The following PRELID2 variants were observed in gnomAD, a reference collection of about 807,000 sequenced individuals.
PRELID2 encodes PRELI domain-containing protein 2.
In PRELID2, 25 loss-of-function variants were observed where a neutral mutation model predicts 28.4. That is an observed-to-expected ratio of 0.88 (90% confidence interval 0.64 to 1.23). The LOEUF (loss-of-function observed/expected upper bound fraction) is 1.23. PRELID2 is among the 50% of genes most tolerant of loss of function. The pLI is 0.00. For synonymous variants in PRELID2, 76 were observed against 71.6 expected (o/e 1.06, Z -0.31); for missense variants, 201 against 214.4 (o/e 0.94, Z 0.39).
intron 1 of PRELID2, among the ~76,000 whole-genome samples, chr5:145,737,642 AAAG>A (rs1255488672): frequency 1.3e-5 from 2 of 152,222 alleles, no homozygotes; most frequent in Non-Finnish European, 2.9e-5. Context: ...AAAGACCAGG[AAAG>A]AAGCAGTCTT....
At chr5:145,478,248 T>A (rs987771011) in intron 1 of PRELID2, among the ~76,000 whole-genome samples, 1 of 151,932 alleles carries the variant, frequency 6.6e-6, no homozygotes, top group African/African-American at 2.4e-5. Context: ...AAAGACTTAG[T>A]ATGAAAAAAA....
intron 1 of PRELID2, among the ~76,000 whole-genome samples, chr5:145,739,720 G>A (rs1483371587): frequency 1.3e-5 from 2 of 151,756 alleles, no homozygotes; most frequent in African/African-American, 4.8e-5. Flanking sequence ...TAATGCAAAG[G>A]GAGGTAAGGT....
At position 145,668,674 on chromosome 5, in the gene PRELID2, G is replaced by A. The variant is rs143251641; in HGVS notation, n.70+96257C>T. 5.4e-4 allele frequency among the ~76,000 whole-genome samples: 82 copies of A among 152,120 alleles called. No individual in the cohort carries two copies. In the East Asian group the frequency reaches 0.013, roughly 25 times the overall value. ...ATAATCCTCACAACCCTATTTCAAT[G>A]GAACAAGTATAACTATTACCTACAT... On this transcript the variant is annotated intron_variant and non_coding_transcript_variant, in intron 1 of 2. Transcript: ENST00000510259.
At chr5:145,496,624 C>A (rs1191072002) in intron 1 of PRELID2, among the ~76,000 whole-genome samples, 1 of 152,174 alleles carries the variant, frequency 6.6e-6, no homozygotes, top group Non-Finnish European at 1.5e-5. Context: ...CACCAATCAT[C>A]CTGCCTGAAT....
chr5:145,314,572 AT>A, the PRELID2 span, among the ~76,000 whole-genome samples: 2 of 151,902 alleles, frequency 1.3e-5, no homozygotes, highest in African/African-American at 2.4e-5. Flanking sequence ...TTTTTTCCAA[AT>A]TTTTTTATCA....
the PRELID2 span, among the ~76,000 whole-genome samples, chr5:145,334,750 G>A: frequency 2.7e-5 from 4 of 149,482 alleles, no homozygotes; most frequent in Admixed American, 6.7e-5. Flanking sequence ...GCTTTGCCAA[G>A]CATAGTATTC....
At chr5:145,482,893 T>C (rs1752175383) in intron 1 of PRELID2, among the ~76,000 whole-genome samples, 1 of 151,834 alleles carries the variant, frequency 6.6e-6, no homozygotes, top group Non-Finnish European at 1.5e-5. Flanking sequence ...CCTATGAGAA[T>C]GTAATGTGCT....
chr5:145,349,440 T>C, the PRELID2 span, among the ~76,000 whole-genome samples: 1 of 152,152 alleles, frequency 6.6e-6, no homozygotes. Flanking sequence ...ATCCCAAGTA[T>C]ACCTCCTAGT....
the PRELID2 span, among the ~76,000 whole-genome samples, chr5:145,251,012 T>C: frequency 6.6e-6 from 1 of 152,142 alleles, no homozygotes; most frequent in African/African-American, 2.4e-5. Flanking sequence ...CATACTTGTT[T>C]TTGAAATGAG....
intron 1 of PRELID2, among the ~76,000 whole-genome samples, chr5:145,832,941 T>C (rs924182675): frequency 6.6e-6 from 1 of 152,190 alleles, no homozygotes; most frequent in African/African-American, 2.4e-5. Context: ...TCAAGCACCA[T>C]GTATTTTCCT....
chr5:145,525,357 C>A (rs186152755), intron 1 of PRELID2, among the ~76,000 whole-genome samples: 4 of 152,194 alleles, frequency 2.6e-5, no homozygotes, highest in African/African-American at 9.6e-5. Flanking sequence ...TGTATACACA[C>A]ACACCCTTGT....
intron 1 of PRELID2, among the ~76,000 whole-genome samples, chr5:145,534,126 T>C (rs928592040): frequency 2.6e-5 from 4 of 152,076 alleles, no homozygotes; most frequent in African/African-American, 4.8e-5. Context: ...CAAAGTTATA[T>C]AGTTAGAAAA....
At chr5:145,308,170 T>A in the PRELID2 span, among the ~76,000 whole-genome samples, 2 of 152,166 alleles carry the variant, frequency 1.3e-5, no homozygotes, top group African/African-American at 4.8e-5. Context: ...CCCCTACCTA[T>A]CTTAGCCATT....
intron 1 of PRELID2, among the ~76,000 whole-genome samples, chr5:145,641,805 G>A (rs768191798): frequency 3.3e-5 from 5 of 152,156 alleles, no homozygotes; most frequent in Admixed American, 6.5e-5. Context: ...TGAGAATGAC[G>A]GTTTCCAGCT....
At chr5:145,433,677 G>C in the PRELID2 span, among the ~76,000 whole-genome samples, 5 of 151,980 alleles carry the variant, frequency 3.3e-5, no homozygotes, top group East Asian at 7.8e-4. Context: ...TCCAACTCCC[G>C]AGACACCAGC....
intron 1 of PRELID2, among the ~76,000 whole-genome samples, chr5:145,646,555 T>G (rs1754199337): frequency 6.6e-6 from 1 of 152,216 alleles, no homozygotes; most frequent in Non-Finnish European, 1.5e-5. Flanking sequence ...AAATTCATTC[T>G]CCATCCAGTT....
At chr5:145,411,812 C>T in the PRELID2 span, among the ~76,000 whole-genome samples, 2 of 152,190 alleles carry the variant, frequency 1.3e-5, no homozygotes, top group Admixed American at 1.3e-4. Context: ...CTAGACATTC[C>T]CATACATCCT....
the PRELID2 span, among the ~76,000 whole-genome samples, chr5:145,357,733 C>T: frequency 2.6e-5 from 4 of 152,102 alleles, no homozygotes; most frequent in Non-Finnish European, 4.4e-5. Flanking sequence ...TATTCTGAAT[C>T]ATATTTCTGA....
intron 4 of PRELID2, among the ~76,000 whole-genome samples, chr5:145,813,522 C>A (rs1347530257): frequency 6.6e-6 from 1 of 152,174 alleles, no homozygotes; most frequent in African/African-American, 2.4e-5. Context: ...ACAAGATAAA[C>A]CCATCCTTTG....
Sources: allele counts gnomAD v4.1 joint callset (sites outside exome capture counted in the v4.1 genomes callset), GRCh38; gene constraint gnomAD v4.1.1; transcripts MANE v1.5; gene names NCBI Gene and HGNC (gene_info 2026-07-23, HGNC 2026-07-21).